The following ATP1A3 variants were observed in gnomAD, a reference collection of about 807,000 sequenced individuals.
ATP1A3 encodes the protein sodium/potassium-transporting ATPase subunit alpha-3.
ATP1A3 carries 12 observed loss-of-function variants against 108.8 expected under a neutral mutation model. That is an observed-to-expected ratio of 0.11 (90% confidence interval 0.07 to 0.18). ATP1A3 has a LOEUF of 0.18. Ranked by LOEUF, ATP1A3 falls within the 10% of genes least tolerant of loss-of-function variation. ATP1A3 has a pLI of 1.00. For missense variants in ATP1A3, 498 were observed against 1,387.7 expected (o/e 0.36, Z 10.19); for synonymous variants, 539 against 564.5 (o/e 0.95, Z 0.64).
intron 1 of ATP1A3, among the ~76,000 whole-genome samples, chr19:41,992,377 A>T (rs1233432202): frequency 6.6e-6 from 1 of 152,030 alleles, no homozygotes; most frequent in Non-Finnish European, 1.5e-5. Context: ...GGTGGGGACC[A>T]TGCCTGTCTC....
chr19:41,986,935 T>G (rs1599724631), intron 4 of ATP1A3, among the ~76,000 whole-genome samples: 1 of 151,768 alleles, frequency 6.6e-6, no homozygotes, highest in African/African-American at 2.4e-5. Flanking sequence ...AGAGGCTGGG[T>G]CTGTCTGGGT....
At chr19:41,993,343 A>C (rs1555868020) in intron 1 of ATP1A3, 1 of 1,516,114 alleles carries the variant, frequency 6.6e-7, no homozygotes. Context: ...CACGCTCCCC[A>C]CTACACAGTT....
chr19:41,988,148 C>T lies in ATP1A3; in HGVS notation c.154-9G>A, dbSNP rs782697716. 6.2e-7 allele frequency: 1 copy of T among 1,614,110 alleles called. No homozygotes were observed. The highest frequency in any genetic ancestry group is 1.1e-5 in the South Asian group (1 of 91,076). On this transcript the variant is annotated splice_polypyrimidine_tract_variant and intron_variant, in intron 3 of 22. Transcript: ENST00000648268. This position sits in a 1 kb window ranked among gnomAD's most constrained non-coding sequence, Gnocchi z 5.3. ...TTGCTGTGGGTCAAACCCTGAGGGA[C>T]AGAGGACTCACACAGAACCCTCCCT...
chr19:41,993,981 G>A (rs2075364209), intron 1 of ATP1A3, 90 bp downstream of exon 1: 7 of 1,577,164 alleles, frequency 4.4e-6, no homozygotes, highest in South Asian at 1.2e-5. Flanking sequence ...GGAGCGCAGG[G>A]GTCCCGGTGC....
chr19:41,975,561 G>A, intron 16 of ATP1A3, 68 bp downstream of exon 16: 2 of 1,603,914 alleles, frequency 1.2e-6, no homozygotes, highest in Non-Finnish European at 1.7e-6. Flanking sequence ...GCCCTGGCCA[G>A]TTCCCCTTGC....
At chr19:41,976,028 C>A (rs1171813620) in intron 15 of ATP1A3, among the ~76,000 whole-genome samples, 2 of 151,180 alleles carry the variant, frequency 1.3e-5, no homozygotes, top group Non-Finnish European at 3.0e-5. Flanking sequence ...GTCCAGGCCC[C>A]CAGCCTCCTT....
Position 41,970,874 on chromosome 19 carries a change from T to C in ATP1A3, c.2264-332A>G, listed in dbSNP as rs538259458. On this transcript the variant is annotated intron_variant, in intron 16 of 22. Coordinates refer to ENST00000648268, the MANE Select transcript of ATP1A3 (RefSeq NM_152296.5). ...GTCTCAATCTCCTGACCTCGTGATC[T>C]GCCCTCCTCGGCCTCCTGAAGTGCT... Among the ~76,000 whole-genome samples, 437 of 152,060 alleles carry C rather than the reference T, an allele frequency of 2.9e-3. 2 individuals are homozygous for C. Among genetic ancestry groups the C allele is most frequent in the Non-Finnish European group, 5.4e-3 (367 of 67,954 alleles).
At chr19:41,986,386 C>T (rs1343685849) in intron 4 of ATP1A3, 157 bp from the exon 5 acceptor site, 5 of 644,726 alleles carry the variant, frequency 7.8e-6, no homozygotes, top group African/African-American at 7.2e-5. Context: ...GTGTCTGAGT[C>T]TCCCCTGTTT....
chr19:41,983,766 ATTTTTTTT>A (rs556483707), intron 8 of ATP1A3, among the ~76,000 whole-genome samples: 4 of 101,266 alleles, frequency 3.9e-5, no homozygotes, highest in South Asian at 3.1e-4. Flanking sequence ...ATTTAAAAAA[ATTTTTTTT>A]TTTTTTTTTT....
chr19:41,983,344 C>T (rs1374601797), intron 8 of ATP1A3, among the ~76,000 whole-genome samples: 1 of 151,956 alleles, frequency 6.6e-6, no homozygotes, highest in African/African-American at 2.4e-5. Flanking sequence ...TCCCAAAGTG[C>T]TGGGATTACA....
chr19:41,970,734 C>T (rs2075096758), intron 16 of ATP1A3, among the ~76,000 whole-genome samples, 192 bp from the exon 17 acceptor site: 1 of 150,362 alleles, frequency 6.7e-6, no homozygotes, highest in Admixed American at 6.6e-5. Flanking sequence ...CGGGTTCACG[C>T]CATTCTCCTG....
chr19:41,974,485 A>T (rs2075145413), intron 16 of ATP1A3, among the ~76,000 whole-genome samples: 1 of 152,130 alleles, frequency 6.6e-6, no homozygotes, highest in Non-Finnish European at 1.5e-5. Context: ...GGAGATAAGA[A>T]GGTGTTAACC....
rs1347247378 is a variant in ATP1A3, at chr19:41,988,910, C to T, written c.7-348G>A. 2.0e-5 allele frequency among the ~76,000 whole-genome samples: 3 copies of T among 152,126 alleles called. No individual in the cohort carries two copies. The highest frequency in any genetic ancestry group is 7.2e-5 in the African/African-American group (3 of 41,422). On this transcript the variant is annotated intron_variant, in intron 1 of 22. Coordinates refer to ENST00000648268, the MANE Select transcript of ATP1A3 (RefSeq NM_152296.5). The surrounding 1 kb of genome is among the most constrained non-coding windows in gnomAD (Gnocchi z 5.3). ...CTCTCTGTTTCTGTGCCCATCTTTG[C>T]GGGGCTCTCCCCTTTTGTGTTCTGT...
Position 41,968,699 on chromosome 19 carries a change from CAAGG to C in ATP1A3, c.2819+82_2819+85del. ...TCAACAAAACAACAAAAAACCAAAG[CAAGG>C]ACACAAGAGGAAGTACACAGACAGA... On this transcript the variant is annotated intron_variant, in intron 20 of 22. Transcript: ENST00000648268. This position sits in a 1 kb window ranked among gnomAD's most constrained non-coding sequence, Gnocchi z 5.0. The C allele has an allele frequency of 6.3e-7, 1 of 1,595,394 alleles. No homozygotes were observed. Among genetic ancestry groups the C allele is most frequent in the Non-Finnish European group, 8.6e-7 (1 of 1,168,684 alleles).
chr19:41,985,756 G>A lies in ATP1A3; in HGVS notation c.606+108C>T, dbSNP rs2075280950. On this transcript the variant is annotated intron_variant, in intron 6 of 22. Transcript: ENST00000648268. This position sits in a 1 kb window ranked among gnomAD's most constrained non-coding sequence, Gnocchi z 8.2. ...GGGGGCCTGGACTCCTGGGTCTGAG[G>A]GAGGAGGGGTTGGGACCTGGACTCC... 1 of 1,519,862 alleles carries A rather than the reference G, an allele frequency of 6.6e-7. No homozygotes were observed. Among genetic ancestry groups the A allele is most frequent in the South Asian group, 1.2e-5 (1 of 81,378 alleles). The allele number at this position is 1,519,862 out of a possible 1,614,324, so 94.1% of individuals were successfully genotyped here.
rs374534881 is a variant in ATP1A3, at chr19:41,981,809, C to T, written c.1215G>A (p.Ser405=). 6.8e-6 allele frequency: 11 copies of T among 1,614,080 alleles called. No individual in the cohort carries two copies. Among genetic ancestry groups the T allele is most frequent in the East Asian group, 4.5e-5 (2 of 44,890 alleles). ...DQSGTSFDKS[S]HTWVALSHIA... The stretch of plus-strand genomic sequence containing the variant: ...TGTGAGACAGGGCCACCCAGGTGTG[C>T]GAACTCTTGTCAAATGAGGTCCCTG... Residue 405 remains serine, a synonymous_variant, in exon 10 of 23, where the codon TCG becomes TCA. Coordinates refer to ENST00000648268, the MANE Select transcript of ATP1A3 (RefSeq NM_152296.5). The surrounding 1 kb of genome is among the most constrained non-coding windows in gnomAD (Gnocchi z 5.0).
chr19:41,979,318 C>G (rs1469123827), intron 11 of ATP1A3, among the ~76,000 whole-genome samples: 9 of 150,144 alleles, frequency 6.0e-5, no homozygotes, highest in African/African-American at 2.2e-4. Context: ...TCCTCCCACC[C>G]TGTTTTTTTT....
chr19:41,967,493 C>T lies in ATP1A3; in HGVS notation c.2922-153G>A, dbSNP rs371698093. ...GGGCGGGGCTGGGGCCTGGGGTCTT[C>T]GGAGTAATCCGTGGTGGGAGCAGCC... On this transcript the variant is annotated intron_variant, in intron 21 of 22. Transcript: ENST00000648268. The surrounding 1 kb of genome is among the most constrained non-coding windows in gnomAD (Gnocchi z 4.2). Among the ~76,000 whole-genome samples the T allele has an allele frequency of 1.4e-4, 21 of 151,248 alleles. No individual in the cohort carries two copies. The South Asian group carries it at 4.0e-3, about 29-fold the overall frequency.
intron 1 of ATP1A3, 70 bp downstream of exon 1, chr19:41,994,001 C>G: frequency 3.8e-6 from 6 of 1,597,978 alleles, no homozygotes; most frequent in Non-Finnish European, 5.1e-6. Context: ...CCCCCGCCCC[C>G]CGCGCACACC....
Sources: gnomAD v4.1 joint callset for allele counts (sites outside exome capture counted in the v4.1 genomes callset) on GRCh38, gnomAD v4.1.1 for gene constraint, Gnocchi (gnomAD v3.1) non-coding constraint, MANE v1.5 for transcripts, NCBI Gene and HGNC (gene_info 2026-07-23, HGNC 2026-07-21) for gene names.